The following LRP3 variants were observed in gnomAD, a reference collection of about 807,000 sequenced individuals.
The protein encoded by LRP3 is LDL receptor related protein 3, also known as low-density lipoprotein receptor-related protein 3.
LRP3 carries 49 observed loss-of-function variants against 58.5 expected under a neutral mutation model. The ratio of observed to expected loss-of-function variants is 0.84; its 90% CI spans 0.67 to 1.06. LRP3 has a LOEUF of 1.06. Among genes scored for constraint, LRP3 ranks in the 50% least tolerant of loss-of-function variants. The probability of loss-of-function intolerance (pLI) is 0.00; values close to 1 mark genes in which losing one functional copy is unlikely to be tolerated. For synonymous variants in LRP3, 485 were observed against 492.2 expected, an observed-to-expected ratio of 0.99 and a Z score of 0.20; for missense variants, 1,019 against 1,134.2, an observed-to-expected ratio of 0.90 and a Z score of 1.46.
rs1249252935 is a variant in LRP3 at position 33,204,702 on chromosome 19, G to C, written c.325G>C (p.Ala109Pro). 1.9e-6 allele frequency: 3 copies of C among 1,609,780 alleles called. No homozygotes were observed. The highest frequency in any genetic ancestry group is 2.2e-5 in the South Asian group (2 of 91,076). Residue 109 changes from alanine (A) to proline (P), a missense_variant, in exon 4 of 7, where the codon GCA becomes CCA. Around this residue, in one of 2 missense-constraint regions of LRP3, gnomAD observed 592 missense variants for 725.5 expected, o/e 0.82. Transcript: ENST00000253193. ...CSLDWLLLGP[A>P]APPRQEAFRL... The stretch of plus-strand genomic sequence containing the variant: ...CCTGGACTGGCTCCTGCTGGGCCCA[G>C]CAGCCCCACCCCGCCAGGAGGCCTT...
Position 33,206,315 on chromosome 19 carries a change from G to A in LRP3, c.1545G>A (p.Ala515=), listed in dbSNP as rs536895720. ...SLVCGLLLVI[A]LGCAFKLYSL... is the part of the protein sequence containing the mutation. ...TGTGTGGCCTGCTGCTGGTCATCGC[G>A]CTGGGCTGCGCCTTCAAGCTCTACT... The change falls in exon 5 of 7, where the codon GCG becomes GCA. Residue 515 remains alanine (A), a synonymous_variant. Coordinates refer to ENST00000253193, the MANE Select transcript of LRP3 (RefSeq NM_002333.4). 4.3e-5 allele frequency: 69 copies of A among 1,598,774 alleles called. No homozygotes were observed. Among genetic ancestry groups the A allele is most frequent in the South Asian group, 7.7e-5 (7 of 90,524 alleles).
Position 33,205,765 on chromosome 19 carries a change from G to A in LRP3, c.995G>A (p.Arg332Gln), listed in dbSNP as rs761624800. 8.8e-6 allele frequency: 14 copies of A among 1,590,302 alleles called. No individual in the cohort carries two copies. Among genetic ancestry groups the A allele is most frequent in the South Asian group, 1.1e-5 (1 of 89,854 alleles). Residue 332 changes from arginine to glutamine, a missense_variant, in exon 5 of 7, where the codon CGG becomes CAG. Transcript: ENST00000253193. ...LQTLSYRSNH[R>Q]PVSLEAAQGR... ...ACGCTGTCCTACCGCAGCAACCACC[G>A]GCCCGTGAGCCTGGAGGCCGCCCAG... is the stretch of plus-strand genomic sequence containing the variant.
Position 33,206,117 on chromosome 19 carries a change from G to T in LRP3, c.1347G>T (p.Glu449Asp). The change falls in exon 5 of 7, where the codon GAG becomes GAT. Residue 449 changes from glutamate (E) to aspartate (D), a missense_variant. Glu to Asp is a conservative substitution (Grantham distance 45). Transcript: ENST00000253193. ...NQKSCPDGADEKNCFSCQPGT... is the reference protein window; with the variant it reads ...NQKSCPDGADDKNCFSCQPGT... ...AAAGCTGTCCCGACGGCGCCGACGAGAAGAACTGCTTCTCCTGCCAGCCCG... is the reference window on the plus strand; with the variant it reads ...AAAGCTGTCCCGACGGCGCCGACGATAAGAACTGCTTCTCCTGCCAGCCCG... The T allele has an allele frequency of 6.2e-7, 1 of 1,609,780 alleles. No homozygotes were observed.
chr19:33,198,849 C>T (rs181467068), intron 2 of LRP3, among the ~76,000 whole-genome samples: 156 of 152,338 alleles, frequency 1.0e-3, no homozygotes, highest in Admixed American at 2.3e-3. Flanking sequence ...CCCAGCTCCC[C>T]GTCGTCGGAT....
intron 3 of LRP3, among the ~76,000 whole-genome samples, 163 bp downstream of exon 3, chr19:33,203,149 G>A (rs569300328): frequency 2.8e-4 from 41 of 148,756 alleles, no homozygotes; most frequent in African/African-American, 1.0e-3. Flanking sequence ...ATATGAGTGA[G>A]GCGTGTGTGA....
chr19:33,197,913 G>T (rs1219823861), intron 2 of LRP3, among the ~76,000 whole-genome samples: 1 of 152,202 alleles, frequency 6.6e-6, no homozygotes, highest in East Asian at 1.9e-4. Flanking sequence ...GCTCTCAGGA[G>T]CCCGGCCTCC....
intron 3 of LRP3, 176 bp from the exon 4 acceptor site, chr19:33,204,462 C>T: frequency 3.1e-6 from 2 of 638,826 alleles, no homozygotes; most frequent in Non-Finnish European, 2.8e-6. Context: ...AGTGTGGGGA[C>T]AGAGTGGCTG....
At chr19:33,197,560 G>T (rs1974298364) in intron 2 of LRP3, among the ~76,000 whole-genome samples, 1 of 152,218 alleles carries the variant, frequency 6.6e-6, no homozygotes. Flanking sequence ...CCAGGAGTTT[G>T]AGATTGTAGT....
chr19:33,204,410 G>T lies in LRP3; in HGVS notation c.261-228G>T, dbSNP rs1427485649. On this transcript the variant is annotated intron_variant, in intron 3 of 6. Coordinates refer to ENST00000253193, the MANE Select transcript of LRP3 (RefSeq NM_002333.4). The stretch of plus-strand genomic sequence containing the variant: ...GCTGGAAATGACCTGCGTGGATGTC[G>T]CAATTCTTCATGGAGCCTCCCGTGC... 6 of 571,038 alleles carry T rather than the reference G, an allele frequency of 1.1e-5. No homozygotes were observed. The African/African-American group carries it at 1.1e-4, about 11-fold the overall frequency. The allele number at this position is 571,038 out of a possible 1,614,324, so 35.4% of individuals were successfully genotyped here.
rs1293193491 is a variant in LRP3 at position 33,205,637 on chromosome 19, G to A, written c.867G>A (p.Gln289=). Residue 289 remains glutamine, a synonymous_variant, in exon 5 of 7, where the codon CAG becomes CAA. Coordinates refer to ENST00000253193, the MANE Select transcript of LRP3 (RefSeq NM_002333.4). ...ACTGCACGTGGCTGGTGGACACACA[G>A]GACTCCCGGCGGGTGCTGCTGCAGC... ...DLHCTWLVDT[Q]DSRRVLLQLE... is the part of the protein sequence containing the mutation. 1 of 1,611,178 alleles carries A rather than the reference G, an allele frequency of 6.2e-7. No individual in the cohort carries two copies. Among genetic ancestry groups the A allele is most frequent in the Non-Finnish European group, 8.5e-7 (1 of 1,179,432 alleles).
rs778842094 is a variant in LRP3, at chr19:33,205,536, C to G, written c.766C>G (p.Arg256Gly). 1 of 1,580,876 alleles carries G rather than the reference C, an allele frequency of 6.3e-7. No homozygotes were observed. Among genetic ancestry groups the G allele is most frequent in the Non-Finnish European group, 8.6e-7 (1 of 1,166,156 alleles). Residue 256 changes from arginine (R) to glycine (G), a missense_variant, in exon 5 of 7, where the codon CGG becomes GGG. By Grantham distance (125) the Arg-to-Gly change is moderately radical (BLOSUM62 -2). Around this residue, in one of 2 missense-constraint regions of LRP3, gnomAD observed 592 missense variants for 725.5 expected, o/e 0.82. Coordinates refer to ENST00000253193, the MANE Select transcript of LRP3 (RefSeq NM_002333.4). ...EAGCPDLACG[R>G]RLGSFYGSFA... ...GGGCTGCCCCGACCTGGCGTGCGGC[C>G]GGCGGCTGGGCAGCTTCTACGGCTC...
chr19:33,207,632 T>G lies in LRP3; in HGVS notation c.*57T>G. The G allele has an allele frequency of 7.6e-7, 1 of 1,311,552 alleles. No homozygotes were observed. The highest frequency in any genetic ancestry group is 1.1e-6 in the Non-Finnish European group (1 of 927,852). The allele number at this position is 1,311,552 out of a possible 1,614,324, so 81.2% of individuals were successfully genotyped here. ...CGCTTTGTAACCAGGGAATACACAG[T>G]CATTTCTACCCTGCCTCTGCGTCCT... On this transcript the variant is annotated 3_prime_UTR_variant, in exon 7 of 7. Transcript: ENST00000253193.
chr19:33,200,702 T>C (rs1974332941), intron 2 of LRP3, among the ~76,000 whole-genome samples: 1 of 152,228 alleles, frequency 6.6e-6, no homozygotes, highest in Non-Finnish European at 1.5e-5. Context: ...TGATAGTTTA[T>C]CTCCTGCCCT....
In LRP3 at chr19:33,202,259, A is replaced by G. The variant is rs146360490; in HGVS notation, c.122-589A>G. Among the ~76,000 whole-genome samples, 26 of 152,334 alleles carry G rather than the reference A, an allele frequency of 1.7e-4. No homozygotes were observed. In the East Asian group the frequency reaches 5.0e-3, roughly 29 times the overall value. ...TGCCACCTCTCTTCAGGCCTGTTGTAGTATCTTCATTCCACTGAGGGGTTC... is the reference window on the plus strand; with the variant it reads ...TGCCACCTCTCTTCAGGCCTGTTGTGGTATCTTCATTCCACTGAGGGGTTC... On this transcript the variant is annotated intron_variant, in intron 2 of 6. Coordinates refer to ENST00000253193, the MANE Select transcript of LRP3 (RefSeq NM_002333.4).
rs1020591909 is a variant in LRP3 at position 33,207,730 on chromosome 19, C to G, written c.*155C>G. On this transcript the variant is annotated 3_prime_UTR_variant, in exon 7 of 7. Transcript: ENST00000253193. ...TAAGCCAGCTGGCTGCACTGGTGGG[C>G]GGGAGCTGTGGGACTGAACGGCGGG... 3.3e-6 allele frequency: 2 copies of G among 612,816 alleles called. No homozygotes were observed. Among genetic ancestry groups the G allele is most frequent in the East Asian group, 2.8e-5 (1 of 35,372 alleles). The allele number at this position is 612,816 out of a possible 1,614,324, so 38.0% of individuals were successfully genotyped here.
In LRP3 at chr19:33,207,051, C is replaced by G. The variant is rs888271095; in HGVS notation, c.1789C>G (p.Arg597Gly). ...ACAGATGCGTCGGCACGCCTCCCGCCGGGGGCCCTCCCGCCGCCGCCTCGG... is the reference window on the plus strand; with the variant it reads ...ACAGATGCGTCGGCACGCCTCCCGCGGGGGGCCCTCCCGCCGCCGCCTCGG... ...RRQMRRHASR[R>G]GPSRRRLGRL... The change falls in exon 7 of 7, where the codon CGG (arginine) becomes GGG (glycine). Residue 597 changes from arginine to glycine, a missense_variant. Physicochemically the swap from Arg to Gly is moderately radical, Grantham distance 125. Coordinates refer to ENST00000253193, the MANE Select transcript of LRP3 (RefSeq NM_002333.4). 6.7e-7 allele frequency: 1 copy of G among 1,486,790 alleles called. No individual in the cohort carries two copies. The highest frequency in any genetic ancestry group is 2.5e-5 in the Admixed American group (1 of 39,280). The allele number at this position is 1,486,790 out of a possible 1,614,324, so 92.1% of individuals were successfully genotyped here.
intron 4 of LRP3, 159 bp from the exon 5 acceptor site, chr19:33,205,087 C>A: frequency 3.4e-6 from 3 of 869,776 alleles, no homozygotes. Context: ...CACCCCTAAC[C>A]CCAGGCTCAG....
At chr19:33,196,709 C>G (rs1312611494) in intron 1 of LRP3, 21 bp from the exon 2 acceptor site, 1 of 1,613,854 alleles carries the variant, frequency 6.2e-7, no homozygotes, top group Non-Finnish European at 8.5e-7. Flanking sequence ...ACCCCTGACC[C>G]TTTCTTTGTA....
Position 33,202,976 on chromosome 19 carries a change from A to G in LRP3, c.250A>G (p.Ile84Val), listed in dbSNP as rs1402271475. Residue 84 changes from isoleucine to valine, a missense_variant, in exon 3 of 7, where the codon ATT becomes GTT. Coordinates refer to ENST00000253193, the MANE Select transcript of LRP3 (RefSeq NM_002333.4). ...WYIQGDRGDM[I>V]TISFRNFDVE... is the part of the protein sequence containing the mutation. ...CATCCAGGGCGACCGTGGTGACATG[A>G]TTACCATCAGGTAGGGGCACCCGGG... The G allele has an allele frequency of 6.2e-7, 1 of 1,613,154 alleles. No individual in the cohort carries two copies. Among genetic ancestry groups the G allele is most frequent in the Non-Finnish European group, 8.5e-7 (1 of 1,179,722 alleles).
Sources: gnomAD v4.1 joint callset for allele counts (sites outside exome capture counted in the v4.1 genomes callset) on GRCh38, gnomAD v4.1.1 for gene constraint, gnomAD v4.1.1 regional missense constraint, MANE v1.5 for transcripts, NCBI Gene and HGNC (gene_info 2026-07-23, HGNC 2026-07-21) for gene names.